The following MALRD1 variants were observed in gnomAD, a reference collection of about 807,000 sequenced individuals.
The protein encoded by MALRD1 is MAM and LDL receptor class A domain containing 1.
In MALRD1, 247 loss-of-function variants were observed where a neutral mutation model predicts 242.1. That is an observed-to-expected ratio of 1.02 (90% CI 0.92 to 1.13). The LOEUF (loss-of-function observed/expected upper bound fraction) is 1.13. MALRD1 is among the 50% of genes most tolerant of loss of function. The pLI, the probability that MALRD1 is intolerant of heterozygous loss-of-function variation, is 0.00. For synonymous variants in MALRD1, 995 were observed against 866.6 expected, an observed-to-expected ratio of 1.15 and a Z score of -2.60; for missense variants, 2,989 against 2,533.1, an observed-to-expected ratio of 1.18 and a Z score of -3.86.
chr10:19,703,662 A>G (rs1589422105), intron 38 of MALRD1, among the ~76,000 whole-genome samples: 1 of 152,214 alleles, frequency 6.6e-6, no homozygotes, highest in Non-Finnish European at 1.5e-5. Flanking sequence ...TGGGAGGCCA[A>G]GGCGGGTGGA....
At chr10:19,476,660 G>A (rs900843421) in intron 29 of MALRD1, among the ~76,000 whole-genome samples, 11 of 152,092 alleles carry the variant, frequency 7.2e-5, no homozygotes, top group African/African-American at 2.4e-4. Flanking sequence ...GGTTAGAGGT[G>A]GATCTACAAC....
At chr10:19,164,568 A>G (rs905423201) in intron 12 of MALRD1, among the ~76,000 whole-genome samples, 3 of 152,208 alleles carry the variant, frequency 2.0e-5, no homozygotes, top group Non-Finnish European at 4.4e-5. Context: ...TGATAATGAG[A>G]AGAGGCAAAA....
intron 36 of MALRD1, among the ~76,000 whole-genome samples, chr10:19,677,384 G>A (rs571270918): frequency 7.9e-5 from 12 of 152,136 alleles, no homozygotes; most frequent in African/African-American, 2.6e-4. Flanking sequence ...ATCTCATTGT[G>A]GTTTTGATTT....
rs373563599 is a variant in MALRD1, at chr10:19,071,830, CTCTG to C, written c.340+4976_340+4979del. ...ACTCTCTAGATTACGTTTCTGCAGC[CTCTG>C]TCTGAATATCTGTTTATTTTTAAAT... On this transcript the variant is annotated intron_variant, in intron 2 of 39. Coordinates refer to ENST00000454679, the MANE Select transcript of MALRD1 (RefSeq NM_001142308.3). Among the ~76,000 whole-genome samples the C allele has an allele frequency of 1.5e-4, 23 of 152,198 alleles. No individual in the cohort carries two copies. The South Asian group carries it at 2.3e-3, about 15-fold the overall frequency.
rs143366937 is a variant in MALRD1, at chr10:19,732,232, A to G, written c.6390+1451A>G. The stretch of plus-strand genomic sequence containing the variant: ...AAATAGGATGGTGTAATATAAATAT[A>G]TTTTCATTTTTACTGGAGAAAGAAA... On this transcript the variant is annotated intron_variant, in intron 39 of 39. Coordinates refer to ENST00000454679, the MANE Select transcript of MALRD1 (RefSeq NM_001142308.3). Among the ~76,000 whole-genome samples the G allele has an allele frequency of 2.8e-4, 43 of 152,204 alleles. No individual in the cohort carries two copies. In the East Asian group the frequency reaches 6.0e-3, roughly 21 times the overall value.
At chr10:19,321,709 A>G (rs1434601143) in intron 21 of MALRD1, among the ~76,000 whole-genome samples, 1 of 152,158 alleles carries the variant, frequency 6.6e-6, no homozygotes, top group Non-Finnish European at 1.5e-5. Flanking sequence ...CTGATTTATC[A>G]AACACTAGAT....
In MALRD1 at chr10:19,387,740, C is replaced by A; in HGVS notation, c.4654C>A (p.Pro1552Thr). Residue 1552 changes from proline to threonine, a missense_variant, in exon 27 of 40, where the codon CCT (proline) becomes ACT (threonine). Coordinates refer to ENST00000454679, the MANE Select transcript of MALRD1 (RefSeq NM_001142308.3). The part of the protein sequence containing the change: ...LGVGSHQSLR[P>T]PKDHTLGNEN... Reference sequence around the variant, plus strand: ...GGTTGGCTCTCATCAAAGCTTAAGACCTCCCAAAGACCACACACTTGGAAA... The same window carrying A: ...GGTTGGCTCTCATCAAAGCTTAAGAACTCCCAAAGACCACACACTTGGAAA... 3 of 1,550,418 alleles carry A rather than the reference C, an allele frequency of 1.9e-6. No homozygotes were observed. The highest frequency in any genetic ancestry group is 2.6e-6 in the Non-Finnish European group (3 of 1,146,840).
At chr10:19,161,564 A>AAAAAAAAAAAT in intron 12 of MALRD1, among the ~76,000 whole-genome samples, 1 of 147,546 alleles carries the variant, frequency 6.8e-6, no homozygotes, top group Non-Finnish European at 1.5e-5. Context: ...AAAAAAAAAA[A>AAAAAAAAAAAT]AAAGAAAATT....
rs11010036 is a variant in MALRD1 at position 19,454,431 on chromosome 10, T to A, written c.5029+3941T>A. 2.5e-3 allele frequency among the ~76,000 whole-genome samples: 335 copies of A among 136,382 alleles called. 3 individuals carry two copies. Among genetic ancestry groups the A allele is most frequent in the Middle Eastern group, 8.0e-3 (2 of 250 alleles). The allele number at this position is 136,382 out of a possible 152,430, so 89.5% of individuals were successfully genotyped here. On this transcript the variant is annotated intron_variant, in intron 29 of 39. Transcript: ENST00000454679. The stretch of plus-strand genomic sequence containing the variant: ...ATATATATATATATATATATATATA[T>A]AATTATATGATACATACATATAAAT...
At chr10:19,691,151 A>T (rs1842800988) in intron 36 of MALRD1, among the ~76,000 whole-genome samples, 2 of 152,118 alleles carry the variant, frequency 1.3e-5, no homozygotes, top group South Asian at 4.1e-4. Context: ...TTGTGAGGGA[A>T]AAAAACAAAT....
chr10:19,437,039 T>C (rs1443202199), intron 28 of MALRD1, among the ~76,000 whole-genome samples: 3 of 152,020 alleles, frequency 2.0e-5, no homozygotes, highest in African/African-American at 7.2e-5. Flanking sequence ...AGGGGGAATA[T>C]AATGATTCTT....
At chr10:19,097,779 T>C (rs1018679039) in intron 4 of MALRD1, among the ~76,000 whole-genome samples, 1 of 152,178 alleles carries the variant, frequency 6.6e-6, no homozygotes, top group Admixed American at 6.5e-5. Flanking sequence ...TCCCGATACA[T>C]TGAGAACAAA....
At chr10:19,309,703 G>T (rs968185983) in intron 21 of MALRD1, among the ~76,000 whole-genome samples, 2 of 151,452 alleles carry the variant, frequency 1.3e-5, no homozygotes, top group African/African-American at 4.8e-5. Flanking sequence ...TGTAAAAACA[G>T]GGATCAATGA....
At chr10:19,286,478 G>C (rs1348028571) in intron 21 of MALRD1, among the ~76,000 whole-genome samples, 1 of 152,072 alleles carries the variant, frequency 6.6e-6, no homozygotes, top group Admixed American at 6.6e-5. Context: ...GTTGAATTTT[G>C]TCAAAGGCTT....
chr10:19,670,773 G>A (rs74433978), intron 36 of MALRD1, among the ~76,000 whole-genome samples: 4,346 of 152,198 alleles, frequency 0.029, 196 homozygotes, highest in African/African-American at 0.089. Flanking sequence ...CGTGAAGTCA[G>A]GGAGTTTATC....
At chr10:19,390,236 T>C (rs1360790068) in intron 28 of MALRD1, among the ~76,000 whole-genome samples, 1 of 152,320 alleles carries the variant, frequency 6.6e-6, no homozygotes, top group East Asian at 1.9e-4. Flanking sequence ...AATAAATTAT[T>C]TGTGCATCTG....
chr10:19,140,749 T>G (rs1250615870), intron 10 of MALRD1, among the ~76,000 whole-genome samples: 2 of 152,072 alleles, frequency 1.3e-5, no homozygotes, highest in African/African-American at 2.4e-5. Context: ...GTTGAATTTG[T>G]AGAAACAGAG....
intron 36 of MALRD1, among the ~76,000 whole-genome samples, chr10:19,616,961 T>C (rs1047572001): frequency 2.0e-5 from 3 of 152,032 alleles, no homozygotes; most frequent in Non-Finnish European, 2.9e-5. Flanking sequence ...GAAATTAATT[T>C]ATCAGAAACT....
In MALRD1 at chr10:19,611,574, T is replaced by C. The variant is rs558210229; in HGVS notation, c.6070+3672T>C. 1.1e-4 allele frequency among the ~76,000 whole-genome samples: 17 copies of C among 152,126 alleles called. 1 individual carries two copies. In the South Asian group the frequency reaches 2.9e-3, roughly 26 times the overall value. ...GGTACAAACCAGAGAGACATTGCTG[T>C]GGCTAAAGATTGGGAACCTCTGCTA... is the stretch of plus-strand genomic sequence containing the variant. On this transcript the variant is annotated intron_variant, in intron 35 of 39. Transcript: ENST00000454679.
Sources: gnomAD v4.1 joint callset for allele counts (sites outside exome capture counted in the v4.1 genomes callset) on GRCh38, gnomAD v4.1.1 for gene constraint, MANE v1.5 for transcripts, NCBI Gene and HGNC (gene_info 2026-07-23, HGNC 2026-07-21) for gene names.